RNF130: variants seen among roughly 807,000 people sequenced by gnomAD.
The protein encoded by RNF130 is ring finger protein 130.
Under a neutral mutation model 44.6 loss-of-function variants are expected in RNF130, and 21 were observed. The observed-to-expected ratio is 0.47, with a 90% CI of 0.33 to 0.68. The LOEUF (loss-of-function observed/expected upper bound fraction) is 0.68. Among genes scored for constraint, RNF130 ranks in the 30% least tolerant of loss-of-function variants. The probability of loss-of-function intolerance (pLI) is 0.02; values close to 1 mark genes in which losing one functional copy is unlikely to be tolerated. For synonymous variants in RNF130, 214 were observed against 210.4 expected (o/e 1.02, Z -0.15); for missense variants, 479 against 560.6 (o/e 0.85, Z 1.47).
At chr5:179,962,448 A>G (rs1303484089) in intron 8 of RNF130, among the ~76,000 whole-genome samples, 1 of 152,216 alleles carries the variant, frequency 6.6e-6, no homozygotes, top group African/African-American at 2.4e-5. Context: ...TTACTCATCA[A>G]TTAAAGTATC....
At position 180,052,288 on chromosome 5, in the gene RNF130, A is replaced by C. The variant is rs78761438; in HGVS notation, c.248-11641T>G. On this transcript the variant is annotated intron_variant, in intron 1 of 8. Transcript: ENST00000521389. ...TGACATTTCTCCATGAATACTGAGC[A>C]GTCCAAACTTATTAGCTTCCTCTCA... Among the ~76,000 whole-genome samples, 792 of 152,346 alleles carry C rather than the reference A, an allele frequency of 5.2e-3. 3 individuals are homozygous for C. The highest frequency in any genetic ancestry group is 8.4e-3 in the Non-Finnish European group (574 of 68,036).
intron 7 of RNF130, among the ~76,000 whole-genome samples, chr5:179,949,225 A>C (rs1991464): frequency 0.052 from 7,802 of 151,482 alleles, 709 homozygotes; most frequent in African/African-American, 0.18. Context: ...TTGGCCTCCC[A>C]AAGTTGCAGG....
At chr5:179,954,528 T>C (rs532391710), downstream of RNF130, among the ~76,000 whole-genome samples, 4 of 152,256 alleles carry the variant, frequency 2.6e-5, no homozygotes, top group South Asian at 6.2e-4. Context: ...GGCAAATCCA[T>C]AGAAACAATG....
chr5:180,004,131 T>C (rs888867950), intron 3 of RNF130, among the ~76,000 whole-genome samples: 1 of 152,186 alleles, frequency 6.6e-6, no homozygotes, highest in Non-Finnish European at 1.5e-5. Flanking sequence ...AGGAACGATC[T>C]TGGAAATTTG....
chr5:179,958,956 T>C (rs899340666), intron 8 of RNF130, among the ~76,000 whole-genome samples: 2 of 152,064 alleles, frequency 1.3e-5, no homozygotes, highest in Non-Finnish European at 2.9e-5. Context: ...GCTGGGATTA[T>C]AGGTGTTAGC....
chr5:180,010,075 A>G (rs760765260), intron 3 of RNF130, among the ~76,000 whole-genome samples: 25 of 151,022 alleles, frequency 1.7e-4, no homozygotes, highest in South Asian at 8.4e-4. Flanking sequence ...GTGAAACCCC[A>G]TCTCTACTAA....
chr5:180,017,689 T>A (rs539690306), intron 2 of RNF130, among the ~76,000 whole-genome samples: 2 of 152,168 alleles, frequency 1.3e-5, no homozygotes, highest in South Asian at 4.2e-4. Context: ...CCCCATCAAT[T>A]CTATTTTTTA....
chr5:179,918,129 CAG>C (rs1173312026), exon 8 of RNF130: 2 of 152,216 alleles, frequency 1.3e-5, no homozygotes, highest in Non-Finnish European at 1.5e-5. Context: ...GTAGCTGAGC[CAG>C]AGAGTGACCC....
chr5:180,063,687 T>C (rs1232625822), intron 1 of RNF130, among the ~76,000 whole-genome samples: 1 of 152,208 alleles, frequency 6.6e-6, no homozygotes. Context: ...TTTGGATTAC[T>C]GGACACTGTT....
chr5:179,936,018 T>C (rs2113679487), intron 7 of RNF130, among the ~76,000 whole-genome samples: 1 of 152,334 alleles, frequency 6.6e-6, no homozygotes, highest in Non-Finnish European at 1.5e-5. Flanking sequence ...CTTTCTGCTC[T>C]TTACTCTTCC....
chr5:180,013,321 A>G lies in RNF130; in HGVS notation c.443-10T>C, dbSNP rs1258136412. On this transcript the variant is annotated splice_polypyrimidine_tract_variant and intron_variant, in intron 2 of 8. Coordinates refer to ENST00000521389, the MANE Select transcript of RNF130 (RefSeq NM_018434.6). ...ATAATATCTCCAGTGCCTGCAATAT[A>G]AAATAAATATATAACTCAAGTGACA... The G allele has an allele frequency of 1.3e-6, 2 of 1,590,930 alleles. No homozygotes were observed. The highest frequency in any genetic ancestry group is 4.5e-5 in the East Asian group (2 of 44,692).
chr5:179,988,002 CTCT>C (rs1196930355), intron 3 of RNF130, among the ~76,000 whole-genome samples: 1 of 152,182 alleles, frequency 6.6e-6, no homozygotes, highest in Non-Finnish European at 1.5e-5. Context: ...AAAGAATTCT[CTCT>C]TCTTTCATTT....
At chr5:179,928,635 T>G (rs1174179146) in intron 7 of RNF130, among the ~76,000 whole-genome samples, 78 of 151,374 alleles carry the variant, frequency 5.2e-4, no homozygotes, top group African/African-American at 1.6e-3. Context: ...GTTGTTGTTT[T>G]TTTTTTTTTT....
chr5:179,945,033 T>G (rs1420689742), intron 7 of RNF130, among the ~76,000 whole-genome samples: 1 of 152,148 alleles, frequency 6.6e-6, no homozygotes, highest in Non-Finnish European at 1.5e-5. Flanking sequence ...CCCAGCCACT[T>G]TGGGAGGCCA....
chr5:180,023,772 C>T (rs1265509872), intron 2 of RNF130, among the ~76,000 whole-genome samples: 1 of 152,102 alleles, frequency 6.6e-6, no homozygotes, highest in Non-Finnish European at 1.5e-5. Context: ...AGAAAAATTC[C>T]AAATAATTAT....
intron 2 of RNF130, among the ~76,000 whole-genome samples, chr5:180,030,378 G>A (rs1473015831): frequency 6.6e-6 from 1 of 152,026 alleles, no homozygotes; most frequent in Non-Finnish European, 1.5e-5. Flanking sequence ...GCCTTAATGA[G>A]GTATAATTTA....
intron 3 of RNF130, among the ~76,000 whole-genome samples, chr5:179,989,375 G>A (rs1252265148): frequency 6.6e-6 from 1 of 152,104 alleles, no homozygotes; most frequent in Non-Finnish European, 1.5e-5. Flanking sequence ...TTATTGTATT[G>A]GAGTGTATCT....
chr5:179,921,799 G>GATC (rs1761634902), intron 7 of RNF130, among the ~76,000 whole-genome samples: 1 of 151,342 alleles, frequency 6.6e-6, no homozygotes, highest in South Asian at 2.1e-4. Context: ...GAGGTGGGTG[G>GATC]ATCACGAGAT....
At chr5:180,064,685 T>C (rs1561714213) in intron 1 of RNF130, among the ~76,000 whole-genome samples, 1 of 152,256 alleles carries the variant, frequency 6.6e-6, no homozygotes, top group Non-Finnish European at 1.5e-5. Context: ...ATCCCCATCC[T>C]GTGAGATGAA....
Sources: gnomAD v4.1 joint callset for allele counts (sites outside exome capture counted in the v4.1 genomes callset) on GRCh38, gnomAD v4.1.1 for gene constraint, MANE v1.5 for transcripts, NCBI Gene and HGNC (gene_info 2026-07-23, HGNC 2026-07-21) for gene names.